Variants in LARGE1 observed in about 807,000 individuals in gnomAD.
LARGE1 encodes xylosyl- and glucuronyltransferase LARGE1.
Under a neutral mutation model 87.6 loss-of-function variants are expected in LARGE1, and 43 were observed. The ratio of observed to expected loss-of-function variants is 0.49; its 90% confidence interval spans 0.38 to 0.63. LARGE1 has a LOEUF of 0.63. Among genes scored for constraint, LARGE1 ranks in the 30% least tolerant of loss-of-function variants. The pLI, the probability that LARGE1 is intolerant of heterozygous loss-of-function variation, is 0.00. For synonymous variants in LARGE1, 434 were observed against 394.6 expected, an observed-to-expected ratio of 1.10 and a Z score of -1.18; for missense variants, 802 against 1,000.2, an observed-to-expected ratio of 0.80 and a Z score of 2.67.
At chr22:33,730,582 A>ATGAC (rs1287626903) in intron 2 of LARGE1, among the ~76,000 whole-genome samples, 1 of 152,230 alleles carries the variant, frequency 6.6e-6, no homozygotes, top group Non-Finnish European at 1.5e-5. Context: ...CAACTGTAAT[A>ATGAC]TGACTGTATT....
chr22:33,643,203 A>G (rs2080500056), intron 3 of LARGE1, among the ~76,000 whole-genome samples: 1 of 151,884 alleles, frequency 6.6e-6, no homozygotes, highest in African/African-American at 2.4e-5. Context: ...AGTCTCTCAG[A>G]CCACAGTGCA....
At chr22:33,761,782 A>G (rs2145732076) in intron 1 of LARGE1, among the ~76,000 whole-genome samples, 2 of 152,250 alleles carry the variant, frequency 1.3e-5, no homozygotes, top group Non-Finnish European at 2.9e-5. Context: ...TCTCACACAC[A>G]CACACAAACA....
At position 33,722,169 on chromosome 22, in the gene LARGE1, C is replaced by T. The variant is rs543662418; in HGVS notation, c.106+39202G>A. 3.1e-4 allele frequency among the ~76,000 whole-genome samples: 47 copies of T among 151,990 alleles called. 2 individuals carry two copies. The highest frequency in any genetic ancestry group is 1.1e-3 in the African/African-American group (45 of 41,460). On this transcript the variant is annotated intron_variant, in intron 2 of 14. Coordinates refer to ENST00000397394, the MANE Select transcript of LARGE1 (RefSeq NM_133642.5). ...TCGGGACTCTGAGGCAGGAGAATCG[C>T]TTGAACCTGGGAGGCGGAGGTTGCA...
At chr22:33,794,855 G>A (rs779378142) in intron 1 of LARGE1, among the ~76,000 whole-genome samples, 11 of 152,138 alleles carry the variant, frequency 7.2e-5, no homozygotes, top group African/African-American at 1.2e-4. Flanking sequence ...CCTGATCTCA[G>A]GTGATCCGTC....
chr22:33,761,418 C>A lies in LARGE1; in HGVS notation c.59G>T (p.Cys20Phe), dbSNP rs1050093594. The change falls in exon 2 of 15, where the codon TGC (cysteine) becomes TTC (phenylalanine). Residue 20 changes from cysteine to phenylalanine, a missense_variant. Physicochemically the swap from Cys to Phe is radical, Grantham distance 205. Coordinates refer to ENST00000397394, the MANE Select transcript of LARGE1 (RefSeq NM_133642.5). ...KFLAASLSLLCIPAITWIYLF... is the reference protein window; with the variant it reads ...KFLAASLSLLFIPAITWIYLF... Reference sequence around the variant, plus strand: ...GTAAATCCAGGTGATGGCTGGGATGCAGAGAAGACTCAACGAGGCAGCCAA... The same window carrying A: ...GTAAATCCAGGTGATGGCTGGGATGAAGAGAAGACTCAACGAGGCAGCCAA... 2 of 1,614,048 alleles carry A rather than the reference C, an allele frequency of 1.2e-6. No individual in the cohort carries two copies.
chr22:33,577,374 T>C (rs533772589), intron 5 of LARGE1, among the ~76,000 whole-genome samples: 1 of 152,338 alleles, frequency 6.6e-6, no homozygotes, highest in East Asian at 1.9e-4. Flanking sequence ...AGCACACGCA[T>C]ACACATCTCA....
chr22:33,163,810 C>T (rs140263347), exon 12 of LARGE1: 7 of 152,302 alleles, frequency 4.6e-5, no homozygotes, highest in Non-Finnish European at 7.4e-5. Context: ...ATGAGGGAAA[C>T]ATTTAGCAAG....
chr22:33,614,149 G>A (rs907349880), intron 4 of LARGE1, among the ~76,000 whole-genome samples: 7 of 151,938 alleles, frequency 4.6e-5, no homozygotes, highest in African/African-American at 1.7e-4. Flanking sequence ...CTTCACCTCT[G>A]AGTCTCAGTT....
intron 2 of LARGE1, among the ~76,000 whole-genome samples, chr22:33,741,762 C>T (rs572902209): frequency 2.0e-5 from 3 of 152,316 alleles, no homozygotes; most frequent in South Asian, 4.2e-4. Flanking sequence ...GGAATGGCAG[C>T]GGGAAGAAAG....
chr22:33,649,462 T>G (rs2080724664), intron 3 of LARGE1, among the ~76,000 whole-genome samples: 1 of 152,192 alleles, frequency 6.6e-6, no homozygotes, highest in Admixed American at 6.5e-5. Flanking sequence ...TAACCATAAT[T>G]TTGAAAATGT....
At chr22:33,666,974 T>C (rs1260790377) in intron 2 of LARGE1, among the ~76,000 whole-genome samples, 1 of 152,190 alleles carries the variant, frequency 6.6e-6, no homozygotes, top group Non-Finnish European at 1.5e-5. Context: ...AAGCCAGATA[T>C]TCAGCAGAAA....
At position 33,334,343 on chromosome 22, in the gene LARGE1, G is replaced by A. The variant is rs1236488626; in HGVS notation, c.1287+3303C>T. On this transcript the variant is annotated intron_variant, in intron 10 of 14. Transcript: ENST00000397394. ...GCAGAATTGCTTGAACCGGAGAGGC[G>A]GAGGTTACAGTGAGCTGAGATCGCG... Among the ~76,000 whole-genome samples, 5 of 149,180 alleles carry A rather than the reference G, an allele frequency of 3.4e-5. No individual in the cohort carries two copies. The South Asian group carries it at 8.6e-4, about 26-fold the overall frequency.
chr22:33,608,469 G>T (rs2079329599), intron 4 of LARGE1, among the ~76,000 whole-genome samples: 2 of 152,236 alleles, frequency 1.3e-5, no homozygotes, highest in South Asian at 4.1e-4. Context: ...TCTGCACCTT[G>T]TGTGAAAAGC....
In LARGE1 at chr22:33,222,221, C is replaced by T. The variant is rs533658398; in HGVS notation, c.1731-55389G>A. 8.5e-5 allele frequency among the ~76,000 whole-genome samples: 13 copies of T among 152,230 alleles called. No homozygotes were observed. The East Asian group carries it at 1.2e-3, about 14-fold the overall frequency. On this transcript the variant is annotated intron_variant, in intron 11 of 11. Transcript: ENST00000608642. Reference sequence around the variant, plus strand: ...GCAGAGAAGTTGGTGGTCACCACTGCGTAGGACCTTTCTGTGCCTCCAGGG... The same window carrying T: ...GCAGAGAAGTTGGTGGTCACCACTGTGTAGGACCTTTCTGTGCCTCCAGGG...
intron 6 of LARGE1, among the ~76,000 whole-genome samples, chr22:33,499,112 A>G (rs577905710): frequency 6.6e-6 from 1 of 152,308 alleles, no homozygotes; most frequent in East Asian, 1.9e-4. Flanking sequence ...CCTCTTTGAC[A>G]CTGCAGTTTA....
chr22:33,888,520 A>G (rs2064920164), intron 1 of LARGE1, among the ~76,000 whole-genome samples: 1 of 152,172 alleles, frequency 6.6e-6, no homozygotes, highest in Non-Finnish European at 1.5e-5. Context: ...GGTGGGTAAC[A>G]TTTATGGAGC....
At chr22:33,773,586 G>C (rs2085138997) in intron 1 of LARGE1, among the ~76,000 whole-genome samples, 1 of 152,174 alleles carries the variant, frequency 6.6e-6, no homozygotes, top group Admixed American at 6.5e-5. Context: ...TCTTGTCTCT[G>C]TTATATAACA....
intron 2 of LARGE1, among the ~76,000 whole-genome samples, chr22:33,657,771 G>A (rs1324865055): frequency 1.3e-5 from 2 of 152,078 alleles, no homozygotes; most frequent in Admixed American, 1.3e-4. Context: ...GTCTGATAAT[G>A]CACAAAAACA....
chr22:33,641,143 AGCTCCG>A (rs1275719509), intron 3 of LARGE1, among the ~76,000 whole-genome samples: 6 of 152,076 alleles, frequency 3.9e-5, no homozygotes, highest in Non-Finnish European at 8.8e-5. Context: ...CAAACAGGAG[AGCTCCG>A]GCTGGCAACG....
Sources: allele counts gnomAD v4.1 joint callset (sites outside exome capture counted in the v4.1 genomes callset), GRCh38; gene constraint gnomAD v4.1.1; transcripts MANE v1.5; gene names NCBI Gene and HGNC (gene_info 2026-07-23, HGNC 2026-07-21).